Variants in LTBP1 observed in about 807,000 individuals in gnomAD.
LTBP1 encodes the protein latent transforming growth factor beta binding protein 1.
Under a neutral mutation model 207.6 loss-of-function variants are expected in LTBP1, and 129 were observed. The observed-to-expected ratio is 0.62, with a 90% CI of 0.54 to 0.72. The LOEUF is 0.72. LTBP1 is among the 30% of genes least tolerant of loss of function. The probability of loss-of-function intolerance (pLI) is 0.00; values close to 1 mark genes in which losing one functional copy is unlikely to be tolerated. For synonymous variants in LTBP1, 963 were observed against 833.7 expected (o/e 1.16, Z -2.67); for missense variants, 2,281 against 2,217.2 (o/e 1.03, Z -0.58).
At chr2:33,374,767 TATG>T (rs2095116065) in intron 31 of LTBP1, among the ~76,000 whole-genome samples, 1 of 152,054 alleles carries the variant, frequency 6.6e-6, no homozygotes, top group African/African-American at 2.4e-5. Flanking sequence ...GCCTGGCCAA[TATG>T]GTGAAACCTC....
intron 31 of LTBP1, among the ~76,000 whole-genome samples, chr2:33,378,185 ATGTGTGTGTG>A (rs57388002): frequency 0.11 from 14,535 of 131,980 alleles, 818 homozygotes; most frequent in Non-Finnish European, 0.13. Context: ...ATATATATAT[ATGTGTGTGTG>A]TGTGTGTGTG....
chr2:33,022,761 A>T (rs1036028484), intron 3 of LTBP1, among the ~76,000 whole-genome samples: 11 of 152,208 alleles, frequency 7.2e-5, no homozygotes, highest in Non-Finnish European at 1.6e-4. Context: ...GCATCTACTC[A>T]GTTCTGCCAT....
At chr2:33,362,645 T>C (rs1188454463) in intron 28 of LTBP1, among the ~76,000 whole-genome samples, 2 of 152,224 alleles carry the variant, frequency 1.3e-5, no homozygotes, top group African/African-American at 4.8e-5. Flanking sequence ...CTGTGTTAAC[T>C]TTAAGCAAGT....
At chr2:33,184,740 G>C (rs1304607272) in intron 5 of LTBP1, among the ~76,000 whole-genome samples, 1 of 149,746 alleles carries the variant, frequency 6.7e-6, no homozygotes, top group African/African-American at 2.5e-5. Context: ...TTGACAGAGT[G>C]ATAGGTATAA....
intron 5 of LTBP1, among the ~76,000 whole-genome samples, chr2:33,149,236 A>C (rs7574537): frequency 0.23 from 26,642 of 116,142 alleles, 1,667 homozygotes; most frequent in East Asian, 0.48. Context: ...AACAAAAAAA[A>C]AAAAAAAAAA....
chr2:33,299,485 T>C (rs752518996), intron 20 of LTBP1, among the ~76,000 whole-genome samples: 2 of 152,224 alleles, frequency 1.3e-5, no homozygotes, highest in African/African-American at 2.4e-5. Flanking sequence ...CCTGTGAGTA[T>C]AGGGCTAAAG....
chr2:33,285,082 C>T (rs1325542979), intron 19 of LTBP1, among the ~76,000 whole-genome samples: 2 of 147,450 alleles, frequency 1.4e-5, no homozygotes, highest in African/African-American at 2.5e-5. Flanking sequence ...ACTCTTGTCG[C>T]CCAGGCTGGA....
At chr2:33,233,470 T>G (rs1032078755) in intron 9 of LTBP1, among the ~76,000 whole-genome samples, 2 of 152,174 alleles carry the variant, frequency 1.3e-5, no homozygotes, top group South Asian at 4.1e-4. Flanking sequence ...GTAAGACCAT[T>G]TCGTAAAATT....
chr2:33,053,969 C>G (rs1356795817), intron 3 of LTBP1, among the ~76,000 whole-genome samples: 3 of 152,142 alleles, frequency 2.0e-5, no homozygotes, highest in African/African-American at 7.2e-5. Flanking sequence ...GAGGGCTATC[C>G]CTAAACCCCT....
chr2:32,997,717 C>T (rs770597704), intron 2 of LTBP1, among the ~76,000 whole-genome samples: 6 of 152,190 alleles, frequency 3.9e-5, no homozygotes, highest in Non-Finnish European at 4.4e-5. Flanking sequence ...ACCCTCAGGA[C>T]GTAGCTGGAC....
intron 24 of LTBP1, among the ~76,000 whole-genome samples, chr2:33,322,180 T>C (rs775807735): frequency 4.0e-5 from 6 of 151,800 alleles, no homozygotes. Flanking sequence ...CCCAGAGCTA[T>C]GGAAATCATC....
intron 7 of LTBP1, among the ~76,000 whole-genome samples, chr2:33,193,309 T>G (rs2088128558): frequency 6.6e-6 from 1 of 152,038 alleles, no homozygotes; most frequent in South Asian, 2.1e-4. Flanking sequence ...ACCCAGCTAA[T>G]TTTTGTATTT....
At chr2:33,322,505 CTA>C (rs2094370242) in intron 24 of LTBP1, among the ~76,000 whole-genome samples, 1 of 152,220 alleles carries the variant, frequency 6.6e-6, no homozygotes. Context: ...TGGTCTCCCA[CTA>C]TGAGTGGACT....
rs183608298 is a variant in LTBP1, at chr2:33,327,488, G to A, written c.3730+12219G>A. Among the ~76,000 whole-genome samples, 3 of 152,214 alleles carry A rather than the reference G, an allele frequency of 2.0e-5. No homozygotes were observed. The East Asian group carries it at 5.8e-4, about 29-fold the overall frequency. ...AAATAACTCCCATGACATAGAGTGGGTCATGTACAAATGGAGTTGAGTTTT... is the reference window on the plus strand; with the variant it reads ...AAATAACTCCCATGACATAGAGTGGATCATGTACAAATGGAGTTGAGTTTT... On this transcript the variant is annotated intron_variant, in intron 24 of 33. Transcript: ENST00000404816.
chr2:33,031,547 G>C (rs769659685), intron 3 of LTBP1, among the ~76,000 whole-genome samples: 3 of 152,202 alleles, frequency 2.0e-5, no homozygotes, highest in Non-Finnish European at 2.9e-5. Flanking sequence ...ACTATGTGGT[G>C]CATAGTATAA....
chr2:33,352,830 T>C (rs1427599417), intron 26 of LTBP1, among the ~76,000 whole-genome samples: 1 of 152,192 alleles, frequency 6.6e-6, no homozygotes, highest in East Asian at 1.9e-4. Context: ...ATTGTTTAGC[T>C]TTCCGTCCTA....
intron 22 of LTBP1, among the ~76,000 whole-genome samples, chr2:33,308,275 C>G (rs2094129418): frequency 6.6e-6 from 1 of 152,198 alleles, no homozygotes; most frequent in South Asian, 2.1e-4. Context: ...AATTGTCTTT[C>G]ATTCTCACAG....
At position 33,129,301 on chromosome 2, in the gene LTBP1, A is replaced by T. The variant is rs373232834; in HGVS notation, c.1034-5492A>T. 1.1e-4 allele frequency among the ~76,000 whole-genome samples: 16 copies of T among 152,308 alleles called. No homozygotes were observed. The East Asian group carries it at 1.4e-3, about 13-fold the overall frequency. On this transcript the variant is annotated intron_variant, in intron 4 of 33. Coordinates refer to ENST00000404816, the MANE Select transcript of LTBP1 (RefSeq NM_206943.4). The stretch of plus-strand genomic sequence containing the variant: ...TTTAGGGATGCGGAACACCCAGAAA[A>T]GTTCAGGACAGGCTCCGGACTGCAG...
chr2:33,038,524 G>C (rs1015529179), intron 3 of LTBP1, among the ~76,000 whole-genome samples: 22 of 152,184 alleles, frequency 1.4e-4, no homozygotes, highest in African/African-American at 5.1e-4. Flanking sequence ...TTCCTGGCCT[G>C]TGAAGATTTC....
Sources: allele counts gnomAD v4.1 joint callset (sites outside exome capture counted in the v4.1 genomes callset), GRCh38; gene constraint gnomAD v4.1.1; transcripts MANE v1.5; gene names NCBI Gene and HGNC (gene_info 2026-07-23, HGNC 2026-07-21).